Variants in CRB1 observed in about 807,000 individuals in gnomAD.
CRB1 encodes crumbs cell polarity complex component 1.
Under a neutral mutation model 120.0 loss-of-function variants are expected in CRB1, and 83 were observed. The observed-to-expected ratio is 0.69, with a 90% CI of 0.58 to 0.83. CRB1 has a LOEUF of 0.83. CRB1 is among the 40% of genes least tolerant of loss of function. The pLI, the probability that CRB1 is intolerant of heterozygous loss-of-function variation, is 0.00. For missense variants in CRB1, 1,699 were observed against 1,687.6 expected (o/e 1.01, Z -0.12); for synonymous variants, 625 against 612.5 (o/e 1.02, Z -0.30).
intron 11 of CRB1, among the ~76,000 whole-genome samples, chr1:197,460,128 G>A (rs959380572): frequency 5.5e-5 from 8 of 146,316 alleles, no homozygotes; most frequent in African/African-American, 2.0e-4. Flanking sequence ...GACATGTTTT[G>A]TTCTGGGGAG....
chr1:197,271,449 C>T (rs1654905098), intron 1 of CRB1, among the ~76,000 whole-genome samples: 1 of 152,128 alleles, frequency 6.6e-6, no homozygotes, highest in Non-Finnish European at 1.5e-5. Flanking sequence ...AATATTAGAG[C>T]AGAGTTCAGG....
chr1:197,324,283 T>A (rs2125296213), intron 1 of CRB1, among the ~76,000 whole-genome samples: 1 of 152,288 alleles, frequency 6.6e-6, no homozygotes, highest in South Asian at 2.1e-4. Context: ...TGCAATATTA[T>A]ATAGTTTCAT....
At chr1:197,469,343 T>A (rs1296929901) in intron 11 of CRB1, among the ~76,000 whole-genome samples, 1 of 152,078 alleles carries the variant, frequency 6.6e-6, no homozygotes, top group Non-Finnish European at 1.5e-5. Flanking sequence ...TGGGGCTGGA[T>A]GGAGGATGTA....
chr1:197,465,005 C>T (rs925971088), intron 11 of CRB1, among the ~76,000 whole-genome samples: 2 of 152,112 alleles, frequency 1.3e-5, no homozygotes, highest in Non-Finnish European at 2.9e-5. Context: ...TGCTTCCCAC[C>T]TTTCCTTGGG....
chr1:197,440,755 G>C (rs186912964), intron 10 of CRB1: 2 of 152,130 alleles, frequency 1.3e-5, no homozygotes, highest in African/African-American at 2.4e-5. Context: ...AAATAAATTG[G>C]CTTCTCTCCT....
At chr1:197,427,325 G>T (rs1454136773) in intron 6 of CRB1, 129 bp from the exon 7 acceptor site, 1 of 724,716 alleles carries the variant, frequency 1.4e-6, no homozygotes, top group Non-Finnish European at 2.4e-6. Context: ...TAAAAGCTAT[G>T]TATGAGTGTG....
chr1:197,467,602 C>A (rs1252246070), intron 11 of CRB1, among the ~76,000 whole-genome samples: 1 of 152,060 alleles, frequency 6.6e-6, no homozygotes, highest in East Asian at 1.9e-4. Context: ...CTCAAACTGT[C>A]CCCTGCCCTT....
intron 8 of CRB1, among the ~76,000 whole-genome samples, chr1:197,433,399 G>A (rs796093176): frequency 5.9e-5 from 9 of 152,180 alleles, no homozygotes; most frequent in African/African-American, 2.2e-4. Flanking sequence ...ATTTGCTACT[G>A]AAAAGTGTGA....
the CRB1 span, among the ~76,000 whole-genome samples, chr1:197,225,618 G>A: frequency 6.1e-3 from 931 of 152,246 alleles, 10 homozygotes; most frequent in African/African-American, 0.02. Context: ...CCTCAAAAGC[G>A]GAGGTCTGTG....
chr1:197,205,036 T>G, the CRB1 span, among the ~76,000 whole-genome samples: 1 of 152,212 alleles, frequency 6.6e-6, no homozygotes, highest in African/African-American at 2.4e-5. Context: ...GTAAAAGGGT[T>G]TGAGTTACTG....
intron 5 of CRB1, among the ~76,000 whole-genome samples, chr1:197,409,887 C>T (rs1663610992): frequency 6.6e-6 from 1 of 152,128 alleles, no homozygotes; most frequent in Admixed American, 6.5e-5. Flanking sequence ...GGGTTCATGC[C>T]ACACACCTGC....
the CRB1 span, among the ~76,000 whole-genome samples, chr1:197,262,460 C>T: frequency 3.3e-5 from 5 of 152,102 alleles, no homozygotes; most frequent in East Asian, 1.9e-4. Context: ...TAGACTTTAA[C>T]GACAAATGCT....
At chr1:197,230,418 T>A in the CRB1 span, among the ~76,000 whole-genome samples, 1 of 152,212 alleles carries the variant, frequency 6.6e-6, no homozygotes, top group Non-Finnish European at 1.5e-5. Flanking sequence ...CTTTGATAAG[T>A]TCCACAAAAA....
At chr1:197,238,851 A>C in the CRB1 span, among the ~76,000 whole-genome samples, 1 of 152,176 alleles carries the variant, frequency 6.6e-6, no homozygotes, top group African/African-American at 2.4e-5. Context: ...TCTCAAAAAA[A>C]AAAATCACCA....
chr1:197,345,871 C>G (rs1182499399), intron 3 of CRB1, among the ~76,000 whole-genome samples: 1 of 152,068 alleles, frequency 6.6e-6, no homozygotes, highest in Non-Finnish European at 1.5e-5. Context: ...TAATTACATT[C>G]CATGTCTTGC....
intron 11 of CRB1, among the ~76,000 whole-genome samples, chr1:197,460,347 G>C (rs995752089): frequency 6.6e-6 from 1 of 151,988 alleles, no homozygotes; most frequent in Non-Finnish European, 1.5e-5. Context: ...ACTGAGCAGT[G>C]GTTGGTTTGA....
At chr1:197,393,515 G>T (rs987676276) in intron 5 of CRB1, among the ~76,000 whole-genome samples, 1 of 136,562 alleles carries the variant, frequency 7.3e-6, no homozygotes, top group Non-Finnish European at 1.6e-5. Context: ...TTCTTGAAAA[G>T]TAGTCATTTT....
At chr1:197,221,404 C>T in the CRB1 span, among the ~76,000 whole-genome samples, 1 of 152,298 alleles carries the variant, frequency 6.6e-6, no homozygotes, top group Non-Finnish European at 1.5e-5. Flanking sequence ...CCTCTGTGTT[C>T]AAACCATACC....
the CRB1 span, among the ~76,000 whole-genome samples, chr1:197,236,195 CTTT>C: frequency 2.0e-3 from 223 of 113,026 alleles, no homozygotes; most frequent in South Asian, 4.7e-3. Flanking sequence ...CTTTTATTTC[CTTT>C]TTTTTTTTTT....
Sources: gnomAD v4.1 joint callset for allele counts (sites outside exome capture counted in the v4.1 genomes callset) on GRCh38, gnomAD v4.1.1 for gene constraint, MANE v1.5 for transcripts, NCBI Gene and HGNC (gene_info 2026-07-23, HGNC 2026-07-21) for gene names.